ATP9B: variants seen among roughly 807,000 people sequenced by gnomAD.
ATP9B encodes ATPase phospholipid transporting 9B.
ATP9B carries 110 observed loss-of-function variants against 146.1 expected under a neutral mutation model. That is an observed-to-expected ratio of 0.75 (90% CI 0.65 to 0.88). ATP9B has a LOEUF of 0.88. ATP9B is among the 40% of genes least tolerant of loss of function. The pLI is 0.00. For synonymous variants in ATP9B, 604 were observed against 569.7 expected (o/e 1.06, Z -0.86); for missense variants, 1,499 against 1,496.4 (o/e 1.00, Z -0.03).
intron 2 of ATP9B, among the ~76,000 whole-genome samples, chr18:79,105,367 G>GCAATGCAATA (rs2075585420): frequency 6.6e-6 from 1 of 152,178 alleles, no homozygotes; most frequent in Non-Finnish European, 1.5e-5. Context: ...TTGCAATACA[G>GCAATGCAATA]GTAGATTGTA....
intron 26 of ATP9B, among the ~76,000 whole-genome samples, chr18:79,368,152 C>A (rs113377711): frequency 1.3e-5 from 2 of 152,226 alleles, no homozygotes; most frequent in African/African-American, 4.8e-5. Context: ...TGCGCTGCTT[C>A]TGCAGCTTCC....
chr18:79,364,556 T>G (rs1221601782), intron 26 of ATP9B, among the ~76,000 whole-genome samples: 2 of 152,152 alleles, frequency 1.3e-5, no homozygotes, highest in Non-Finnish European at 2.9e-5. Flanking sequence ...TCACACTTCA[T>G]GTGAAAATCC....
chr18:79,223,353 G>A (rs889865646), intron 11 of ATP9B, among the ~76,000 whole-genome samples: 4 of 151,510 alleles, frequency 2.6e-5, no homozygotes, highest in Non-Finnish European at 5.9e-5. Flanking sequence ...ATCTTTTCTT[G>A]TAGTTGCATA....
chr18:79,195,162 G>A (rs968472138), intron 9 of ATP9B, among the ~76,000 whole-genome samples: 5 of 152,174 alleles, frequency 3.3e-5, no homozygotes, highest in Non-Finnish European at 5.9e-5. Flanking sequence ...GCCTGTAGAA[G>A]AAGGGACTCT....
chr18:79,235,775 T>C (rs62101139), intron 11 of ATP9B, among the ~76,000 whole-genome samples: 97 of 151,388 alleles, frequency 6.4e-4, no homozygotes, highest in African/African-American at 2.1e-3. Flanking sequence ...GACCACCGTC[T>C]TCTTATCTAG....
intron 26 of ATP9B, among the ~76,000 whole-genome samples, chr18:79,368,378 C>T (rs7233408): frequency 0.39 from 58,578 of 152,028 alleles, 11,482 homozygotes; most frequent in Middle Eastern, 0.54. Flanking sequence ...GGCAACAGAT[C>T]AGGACCCTGT....
chr18:79,340,097 C>A (rs556646514), intron 19 of ATP9B, among the ~76,000 whole-genome samples: 47 of 152,274 alleles, frequency 3.1e-4, no homozygotes, highest in African/African-American at 1.0e-3. Flanking sequence ...TAAATCGACA[C>A]ATGAATGAGC....
At chr18:79,203,380 A>G (rs1307066844) in intron 9 of ATP9B, among the ~76,000 whole-genome samples, 4 of 152,130 alleles carry the variant, frequency 2.6e-5, no homozygotes, top group Non-Finnish European at 4.4e-5. Flanking sequence ...GGCTTAGAGT[A>G]ACAGCAGGCA....
At chr18:79,105,457 A>G (rs149851830) in intron 2 of ATP9B, among the ~76,000 whole-genome samples, 385 of 152,348 alleles carry the variant, frequency 2.5e-3, no homozygotes, top group African/African-American at 8.9e-3. Flanking sequence ...TTTTAAAATT[A>G]TTATTAAAAG....
At chr18:79,361,581 C>T (rs1468713046) in intron 26 of ATP9B, 1 of 163,602 alleles carries the variant, frequency 6.1e-6, no homozygotes, top group Admixed American at 6.6e-5. Context: ...TTTTCTTCAA[C>T]ATCTTATCTG....
At chr18:79,305,308 G>A (rs570213983) in intron 14 of ATP9B, among the ~76,000 whole-genome samples, 3 of 152,100 alleles carry the variant, frequency 2.0e-5, no homozygotes, top group Non-Finnish European at 4.4e-5. Flanking sequence ...TCTCTTTCTT[G>A]TATACTTGCT....
At chr18:79,170,767 T>C (rs1329653047) in intron 7 of ATP9B, among the ~76,000 whole-genome samples, 2 of 152,222 alleles carry the variant, frequency 1.3e-5, no homozygotes, top group Non-Finnish European at 2.9e-5. Flanking sequence ...GTTCGTCTGC[T>C]GAGCTACTTG....
At chr18:79,231,194 G>A (rs1356966987) in intron 11 of ATP9B, among the ~76,000 whole-genome samples, 2 of 152,026 alleles carry the variant, frequency 1.3e-5, no homozygotes, top group Admixed American at 6.6e-5. Context: ...GAAATAATCA[G>A]CAGAGTAAAT....
At chr18:79,367,472 C>A (rs988804847) in intron 26 of ATP9B, among the ~76,000 whole-genome samples, 3 of 145,088 alleles carry the variant, frequency 2.1e-5, no homozygotes, top group Admixed American at 6.8e-5. Flanking sequence ...CCAGAGAGCA[C>A]ACATATCTTC....
At chr18:79,327,886 C>T (rs1233609579) in intron 15 of ATP9B, among the ~76,000 whole-genome samples, 1 of 125,460 alleles carries the variant, frequency 8.0e-6, no homozygotes, top group Non-Finnish European at 1.6e-5. Context: ...GGATAGTGTG[C>T]TCTCCGTGGT....
chr18:79,277,177 T>C lies in ATP9B; in HGVS notation c.1392T>C (p.Tyr464=). ...CAGAGGAACTTGGGCGCCTGGTGTATTTATTGACAGACAAAACAGGTACTG... is the reference window on the plus strand; with the variant it reads ...CAGAGGAACTTGGGCGCCTGGTGTACTTATTGACAGACAAAACAGGTACTG... The part of the protein sequence containing the change: ...TIPEELGRLV[Y]LLTDKTGTLT... The change falls in exon 13 of 30, where the codon TAT becomes TAC. Residue 464 remains tyrosine (Y), a synonymous_variant. Transcript: ENST00000426216. 8 of 1,614,240 alleles carry C rather than the reference T, an allele frequency of 5.0e-6. No individual in the cohort carries two copies. The highest frequency in any genetic ancestry group is 5.9e-6 in the Non-Finnish European group (7 of 1,180,042).
In ATP9B at chr18:79,280,282, C is replaced by T. The variant is rs562573182; in HGVS notation, c.1411+3086C>T. On this transcript the variant is annotated intron_variant, in intron 13 of 29. Coordinates refer to ENST00000426216, the MANE Select transcript of ATP9B (RefSeq NM_198531.5). ...AAGATAAAAGCCATGAAAGATTAAACCATTGAATATTTAGAGGAAAATAAA... is the reference window on the plus strand; with the variant it reads ...AAGATAAAAGCCATGAAAGATTAAATCATTGAATATTTAGAGGAAAATAAA... Among the ~76,000 whole-genome samples the T allele has an allele frequency of 7.3e-5, 11 of 151,480 alleles. No homozygotes were observed. The East Asian group carries it at 2.1e-3, about 29-fold the overall frequency.
chr18:79,142,624 A>T lies in ATP9B; in HGVS notation c.668-1178A>T, dbSNP rs534826394. Among the ~76,000 whole-genome samples, 8 of 152,316 alleles carry T rather than the reference A, an allele frequency of 5.3e-5. 1 individual carries two copies. In the East Asian group the frequency reaches 1.5e-3, roughly 29 times the overall value. ...GGAATTAAAGTGGACATTTTATTAC[A>T]ATTAATGATTTTAAAGCTCAGTTAA... On this transcript the variant is annotated intron_variant, in intron 5 of 29. Transcript: ENST00000426216.
intron 10 of ATP9B, among the ~76,000 whole-genome samples, chr18:79,208,162 G>A (rs1389941380): frequency 6.6e-6 from 1 of 152,118 alleles, no homozygotes; most frequent in Non-Finnish European, 1.5e-5. Flanking sequence ...GGAGAATGGC[G>A]GGAACCCGGG....
Sources: gnomAD v4.1 joint callset for allele counts (sites outside exome capture counted in the v4.1 genomes callset) on GRCh38, gnomAD v4.1.1 for gene constraint, MANE v1.5 for transcripts, NCBI Gene and HGNC (gene_info 2026-07-23, HGNC 2026-07-21) for gene names.